LLGL2: variants seen among roughly 807,000 people sequenced by gnomAD.
LLGL2 encodes the protein LLGL scribble cell polarity complex component 2.
In LLGL2, 81 loss-of-function variants were observed where a neutral mutation model predicts 123.2. The observed-to-expected ratio is 0.66, with a 90% CI of 0.55 to 0.79. The LOEUF (loss-of-function observed/expected upper bound fraction) is 0.79. Among genes scored for constraint, LLGL2 ranks in the 30% least tolerant of loss-of-function variants. LLGL2 has a pLI of 0.00. For missense variants in LLGL2, 1,273 were observed against 1,414.6 expected, an observed-to-expected ratio of 0.90 and a Z score of 1.61; for synonymous variants, 577 against 594.1, an observed-to-expected ratio of 0.97 and a Z score of 0.42.
chr17:75,556,655 G>C (rs1006298070), intron 3 of LLGL2, among the ~76,000 whole-genome samples: 2 of 152,190 alleles, frequency 1.3e-5, no homozygotes, highest in Non-Finnish European at 2.9e-5. Context: ...TGCGCCAGTA[G>C]CAAGGCCTAG....
chr17:75,561,908 C>T (rs182681115), intron 6 of LLGL2, among the ~76,000 whole-genome samples: 63 of 151,510 alleles, frequency 4.2e-4, no homozygotes, highest in African/African-American at 1.5e-3. Flanking sequence ...GGCAACAGAG[C>T]GAGACTCCCA....
intron 22 of LLGL2, 40 bp from the exon 23 acceptor site, chr17:75,574,173 G>A (rs2055865545): frequency 6.6e-7 from 1 of 1,518,338 alleles, no homozygotes; most frequent in Non-Finnish European, 8.8e-7. Flanking sequence ...GGCCGAGGAG[G>A]GCCCAGGCGG....
At position 75,572,022 on chromosome 17, in the gene LLGL2, G is replaced by C. The variant is rs1193319743; in HGVS notation, c.2418G>C (p.Gln806His). 2 of 1,612,476 alleles carry C rather than the reference G, an allele frequency of 1.2e-6. No individual in the cohort carries two copies. The highest frequency in any genetic ancestry group is 1.7e-6 in the Non-Finnish European group (2 of 1,179,994). ...ATCTGTCGAAGAGCCCTGACATGCA[G>C]GGAAGCCACCAGCTGCTCGTCGTAT... ...AHDLSKSPDM[Q>H]GSHQLLVVSE... Residue 806 changes from glutamine (Q) to histidine (H), a missense_variant, in exon 19 of 26, where the codon CAG becomes CAC. Physicochemically the swap from Gln to His is conservative, Grantham distance 24. Transcript: ENST00000392550.
In LLGL2 at chr17:75,571,773, G is replaced by A; in HGVS notation, c.2283G>A (p.Arg761=). 2 of 1,607,334 alleles carry A rather than the reference G, an allele frequency of 1.2e-6. No homozygotes were observed. The highest frequency in any genetic ancestry group is 1.7e-4 in the Middle Eastern group (1 of 6,000). ...AGCGGAGAATGGATGAGCCTGTGCGGGCAGAGCAGGGTGAGTGCTGGGCAG... is the reference window on the plus strand; with the variant it reads ...AGCGGAGAATGGATGAGCCTGTGCGAGCAGAGCAGGGTGAGTGCTGGGCAG... ...PAERRMDEPV[R]AEQAKEIQLM... is the part of the protein sequence containing the mutation. The change falls in exon 18 of 26, where the codon CGG becomes CGA. Residue 761 remains arginine, a synonymous_variant. Coordinates refer to ENST00000392550, the MANE Select transcript of LLGL2 (RefSeq NM_001031803.2).
At chr17:75,563,496 C>G in intron 8 of LLGL2, 33 bp downstream of exon 8, 7 of 1,608,062 alleles carry the variant, frequency 4.4e-6, no homozygotes, top group Non-Finnish European at 5.9e-6. Context: ...AGGGCCCACC[C>G]CCAGTGCCTC....
chr17:75,528,412 G>A (rs1310505291), intron 1 of LLGL2, among the ~76,000 whole-genome samples: 1 of 152,058 alleles, frequency 6.6e-6, no homozygotes, highest in African/African-American at 2.4e-5. Flanking sequence ...ACCGCGCCCG[G>A]CCTTAAATAA....
chr17:75,568,464 C>T lies in LLGL2; in HGVS notation c.1037-12C>T, dbSNP rs1428857219. On this transcript the variant is annotated splice_polypyrimidine_tract_variant and intron_variant, in intron 10 of 25. Coordinates refer to ENST00000392550, the MANE Select transcript of LLGL2 (RefSeq NM_001031803.2). ...CCTGGCCCCGGCCCCTGACCCTTGC[C>T]CTGTACCCCAGCCTTTGACGACCCC... 1 of 1,610,918 alleles carries T rather than the reference C, an allele frequency of 6.2e-7. No individual in the cohort carries two copies. Among genetic ancestry groups the T allele is most frequent in the Admixed American group, 1.7e-5 (1 of 59,974 alleles).
chr17:75,572,251 G>A (rs1024282932), intron 19 of LLGL2, among the ~76,000 whole-genome samples, 187 bp downstream of exon 19: 1 of 152,184 alleles, frequency 6.6e-6, no homozygotes, highest in African/African-American at 2.4e-5. Context: ...CAGGGGGCCA[G>A]GCGCGGTGAC....
Position 75,571,113 on chromosome 17 carries a change from C to T in LLGL2, c.2176+13C>T. The T allele has an allele frequency of 1.3e-6, 2 of 1,598,444 alleles. No homozygotes were observed. Among genetic ancestry groups the T allele is most frequent in the South Asian group, 1.1e-5 (1 of 90,244 alleles). ...TACCTGAAGGACAGTGAGTGGCCAG[C>T]CTGGGGTTGGGGGGCAGGGGGTAGT... On this transcript the variant is annotated intron_variant, in intron 17 of 25. Transcript: ENST00000392550.
In LLGL2 at chr17:75,559,373, G is replaced by A; in HGVS notation, c.493G>A (p.Glu165Lys). 1 of 1,613,246 alleles carries A rather than the reference G, an allele frequency of 6.2e-7. No homozygotes were observed. Reference protein sequence around the residue: ...VVQLPAFRALEDRTISSDAVL... With the variant: ...VVQLPAFRALKDRTISSDAVL... ...GCAGCTGCCAGCTTTTCGTGCGCTG[G>A]AGGACCGGACCATCAGCTCGGACGC... The change falls in exon 6 of 26, where the codon GAG becomes AAG. Residue 165 changes from glutamate to lysine, a missense_variant. Glu to Lys is a moderately conservative substitution (Grantham distance 56, BLOSUM62 1). Coordinates refer to ENST00000392550, the MANE Select transcript of LLGL2 (RefSeq NM_001031803.2). The surrounding 1 kb of genome is among the most constrained non-coding windows in gnomAD (Gnocchi z 4.6).
chr17:75,573,300 G>A, intron 20 of LLGL2, 22 bp downstream of exon 20: 1 of 1,582,252 alleles, frequency 6.3e-7, no homozygotes, highest in Non-Finnish European at 8.6e-7. Context: ...GGGCTGGGTG[G>A]GTGTCGGGGC....
intron 19 of LLGL2, among the ~76,000 whole-genome samples, chr17:75,572,680 A>AG (rs1222170645): frequency 2.0e-5 from 3 of 149,500 alleles, no homozygotes; most frequent in African/African-American, 7.4e-5. Context: ...AAAAAAAAAA[A>AG]ACCAGCATGG....
chr17:75,563,379 T>G lies in LLGL2; in HGVS notation c.742T>G (p.Cys248Gly), dbSNP rs1047217411. Residue 248 changes from cysteine to glycine, a missense_variant, in exon 8 of 26, where the codon TGT (cysteine) becomes GGT (glycine). Coordinates refer to ENST00000392550, the MANE Select transcript of LLGL2 (RefSeq NM_001031803.2). Reference protein sequence around the residue: ...WQRDGRLLVSCHSDGSYCQWP... With the variant: ...WQRDGRLLVSGHSDGSYCQWP... ...GCGGGACGGCCGCCTGCTCGTCAGC[T>G]GTCACTCTGACGGCAGCTACTGCCA... 9 of 1,612,930 alleles carry G rather than the reference T, an allele frequency of 5.6e-6. No homozygotes were observed. The highest frequency in any genetic ancestry group is 7.6e-6 in the Non-Finnish European group (9 of 1,180,024).
chr17:75,548,590 A>G (rs1039395670), intron 2 of LLGL2, among the ~76,000 whole-genome samples: 2 of 151,726 alleles, frequency 1.3e-5, no homozygotes, highest in African/African-American at 2.4e-5. Context: ...ACCTGAGGTC[A>G]GGAGTTCGAG....
chr17:75,539,869 A>G (rs908397178), intron 1 of LLGL2, among the ~76,000 whole-genome samples: 7 of 152,276 alleles, frequency 4.6e-5, no homozygotes, highest in South Asian at 4.1e-4. Flanking sequence ...TCGGCCTCCC[A>G]GAGTGCTGGG....
chr17:75,571,987 G>A lies in LLGL2; in HGVS notation c.2383G>A (p.Val795Met), dbSNP rs753580126. The change falls in exon 19 of 26, where the codon GTG (valine) becomes ATG (methionine). Residue 795 changes from valine to methionine, a missense_variant. Coordinates refer to ENST00000392550, the MANE Select transcript of LLGL2 (RefSeq NM_001031803.2). ...HSVPLPEPLE[V>M]AHDLSKSPDM... is the part of the protein sequence containing the mutation. The stretch of plus-strand genomic sequence containing the variant: ...CGTACCCCTTCCCGAGCCCCTCGAA[G>A]TGGCCCATGATCTGTCGAAGAGCCC... The A allele has an allele frequency of 7.4e-6, 12 of 1,612,846 alleles. No individual in the cohort carries two copies. Among genetic ancestry groups the A allele is most frequent in the Non-Finnish European group, 1.0e-5 (12 of 1,180,028 alleles).
intron 2 of LLGL2, among the ~76,000 whole-genome samples, chr17:75,548,296 G>A (rs80312478): frequency 0.56 from 72,343 of 129,054 alleles, 18,712 homozygotes; most frequent in African/African-American, 0.68. Flanking sequence ...TTTTTTTTTT[G>A]GACGGAGTTT....
chr17:75,562,756 G>A (rs775324679), intron 6 of LLGL2: 2 of 513,502 alleles, frequency 3.9e-6, no homozygotes, highest in Non-Finnish European at 7.1e-6. Context: ...TTTTAGTAGA[G>A]ACAGGGTTTT....
chr17:75,526,692 C>G (rs2053586582), intron 1 of LLGL2, among the ~76,000 whole-genome samples: 1 of 152,080 alleles, frequency 6.6e-6, no homozygotes, highest in South Asian at 2.1e-4. Context: ...TCCAGGGACC[C>G]CCTGCTGGAG....
Sources: gnomAD v4.1 joint callset for allele counts (sites outside exome capture counted in the v4.1 genomes callset) on GRCh38, gnomAD v4.1.1 for gene constraint, Gnocchi (gnomAD v3.1) non-coding constraint, MANE v1.5 for transcripts, NCBI Gene and HGNC (gene_info 2026-07-23, HGNC 2026-07-21) for gene names.